The following VGLL1 variants were observed in gnomAD, a reference collection of about 807,000 sequenced individuals.
VGLL1 encodes the protein vestigial like family member 1.
Under a neutral mutation model 12.0 loss-of-function variants are expected in VGLL1, and 4 were observed. That is an observed-to-expected ratio of 0.33 (90% CI 0.16 to 0.76). The LOEUF (loss-of-function observed/expected upper bound fraction) is 0.76, where lower values mean the gene tolerates loss of function less well. Ranked by LOEUF, VGLL1 falls within the 30% of genes least tolerant of loss-of-function variation. The pLI is 0.60. For missense variants in VGLL1, 204 were observed against 208.7 expected, an observed-to-expected ratio of 0.98 and a Z score of 0.14; for synonymous variants, 87 against 81.2, an observed-to-expected ratio of 1.07 and a Z score of -0.39.
chrX:136,545,871 A>G (rs1672060998), intron 2 of VGLL1, among the ~76,000 whole-genome samples: 2 of 111,276 alleles, frequency 1.8e-5, no homozygotes, highest in South Asian at 7.7e-4. Flanking sequence ...TGCCAGTTTC[A>G]CCGAAAAAGG....
chrX:136,549,430 G>A (rs910123630), intron 3 of VGLL1, among the ~76,000 whole-genome samples: 16 of 111,346 alleles, frequency 1.4e-4, no homozygotes, highest in South Asian at 7.6e-4. Context: ...AGTGATGTCA[G>A]GCTCCAGGCA....
At chrX:136,536,555 C>A (rs983535137) in intron 2 of VGLL1, among the ~76,000 whole-genome samples, 2 of 111,191 alleles carry the variant, frequency 1.8e-5, no homozygotes, top group Non-Finnish European at 3.8e-5. Context: ...CCTAATTAAC[C>A]CACATTCATC....
At chrX:136,551,860 C>T (rs749300431) in intron 4 of VGLL1, among the ~76,000 whole-genome samples, 263 of 111,049 alleles carry the variant, frequency 2.4e-3, no homozygotes, top group Non-Finnish European at 4.5e-3. Context: ...GCGGGAGGAA[C>T]ACTTGAGCCC....
intron 4 of VGLL1, 88 bp downstream of exon 4, chrX:136,550,909 A>T: frequency 1.2e-6 from 1 of 837,645 alleles, no homozygotes; most frequent in Non-Finnish European, 1.8e-6. Context: ...TACTGGAGAC[A>T]CTGGTAGTAT....
rs747064588 is a variant in VGLL1 at position 136,544,130 on chromosome X, A to G, written c.215-4459A>G. Among the ~76,000 whole-genome samples, 184 of 111,867 alleles carry G rather than the reference A, an allele frequency of 1.6e-3. No individual in the cohort carries two copies. The Middle Eastern group carries it at 0.023, about 14-fold the overall frequency. On this transcript the variant is annotated intron_variant, in intron 2 of 4. Coordinates refer to ENST00000370634, the MANE Select transcript of VGLL1 (RefSeq NM_016267.4). ...TAAAAAATTCATCAATGTCATATCC[A>G]CTTCTCCATGCCATTAAATGTTCTA...
intron 4 of VGLL1, among the ~76,000 whole-genome samples, chrX:136,555,515 G>A (rs1431858778): frequency 9.0e-6 from 1 of 111,620 alleles, no homozygotes; most frequent in Non-Finnish European, 1.9e-5. Context: ...TCCAATATAG[G>A]AGGATGAAGG....
intron 1 of VGLL1, among the ~76,000 whole-genome samples, chrX:136,532,589 CTTTCTTTCTTT>C (rs2075826128): frequency 2.5e-5 from 1 of 39,426 alleles, no homozygotes; most frequent in Non-Finnish European, 5.0e-5. Context: ...TTCTTTCTTT[CTTTCTTTCTTT>C]CTTTCTTTCT....
intron 4 of VGLL1, 34 bp from the exon 5 acceptor site, chrX:136,556,417 C>CTA: frequency 1.7e-6 from 2 of 1,161,487 alleles, no homozygotes; most frequent in Non-Finnish European, 2.3e-6. Flanking sequence ...AGGGGCCTAA[C>CTA]TGGCTTTCAT....
intron 2 of VGLL1, among the ~76,000 whole-genome samples, chrX:136,544,310 T>C (rs2075864156): frequency 8.9e-6 from 1 of 112,584 alleles, no homozygotes; most frequent in Admixed American, 9.4e-5. Context: ...CATCATTGAC[T>C]ATATCCTTAA....
In VGLL1 at chrX:136,550,771, A is replaced by G; in HGVS notation, c.638A>G (p.Lys213Arg). 8.3e-7 allele frequency: 1 copy of G among 1,207,185 alleles called. No homozygotes were observed. Among genetic ancestry groups the G allele is most frequent in the Non-Finnish European group, 1.1e-6 (1 of 892,574 alleles). ...ATGTTTTCTTCTTCTTTTCTAGATA[A>G]GAAACTATATGTATCTCGTGGATCT... ...FNLPPGSVHY[K>R]KLYVSRGSAS... Residue 213 changes from lysine (K) to arginine (R), a missense_variant, in exon 4 of 5, where the codon AAG (lysine) becomes AGG (arginine). Physicochemically the swap from Lys to Arg is conservative, Grantham distance 26. Transcript: ENST00000370634.
chrX:136,532,661 CTTTT>C (rs202001013), intron 1 of VGLL1, among the ~76,000 whole-genome samples: 7 of 60,697 alleles, frequency 1.2e-4, no homozygotes, highest in Non-Finnish European at 2.2e-4. Flanking sequence ...TTCTTTCTTT[CTTTT>C]TCTTTCTTTC....
rs768578233 is a variant in VGLL1 at position 136,548,930 on chromosome X, G to A, written c.556G>A (p.Ala186Thr). ...CCTAGCCCGTCCTCAGGAATCTGCC[G>A]CCAGGGAGAATGGCAACCCTGGCCA... ...RCLARPQESA[A>T]RENGNPGQIA... The change falls in exon 3 of 5, where the codon GCC becomes ACC. Residue 186 changes from alanine (A) to threonine (T), a missense_variant. Ala to Thr is a moderately conservative substitution (Grantham distance 58). Coordinates refer to ENST00000370634, the MANE Select transcript of VGLL1 (RefSeq NM_016267.4). The A allele has an allele frequency of 1.2e-5, 15 of 1,210,547 alleles. No individual in the cohort carries two copies. Among genetic ancestry groups the A allele is most frequent in the African/African-American group, 3.5e-5 (2 of 57,268 alleles).
At chrX:136,551,459 A>T (rs982331713) in intron 4 of VGLL1, among the ~76,000 whole-genome samples, 1 of 111,683 alleles carries the variant, frequency 9.0e-6, no homozygotes, top group African/African-American at 3.3e-5. Flanking sequence ...GTGGGAACTT[A>T]CAAAAGAGGA....
chrX:136,542,045 A>G (rs1369491079), intron 2 of VGLL1, among the ~76,000 whole-genome samples: 1 of 109,793 alleles, frequency 9.1e-6, no homozygotes, highest in Non-Finnish European at 1.9e-5. Flanking sequence ...CCCCAGCCCC[A>G]GTCCTGAGGC....
At chrX:136,544,654 C>T (rs1464493022) in intron 2 of VGLL1, among the ~76,000 whole-genome samples, 1 of 112,395 alleles carries the variant, frequency 8.9e-6, no homozygotes, top group African/African-American at 3.2e-5. Context: ...AAGTAAAGTG[C>T]CTGGCCCATA....
chrX:136,540,166 T>TA (rs1294392765), intron 2 of VGLL1, among the ~76,000 whole-genome samples: 45 of 111,638 alleles, frequency 4.0e-4, no homozygotes, highest in African/African-American at 1.5e-3. Flanking sequence ...GTCAGAATGG[T>TA]AGCATTAAAA....
At chrX:136,552,707 C>A (rs906367794) in intron 4 of VGLL1, among the ~76,000 whole-genome samples, 2 of 111,942 alleles carry the variant, frequency 1.8e-5, no homozygotes, top group African/African-American at 3.3e-5. Flanking sequence ...AACTGGATCT[C>A]AAAAAGGTGA....
chrX:136,537,719 C>T (rs979217072), intron 2 of VGLL1, among the ~76,000 whole-genome samples: 1 of 109,303 alleles, frequency 9.1e-6, no homozygotes, highest in African/African-American at 3.4e-5. Flanking sequence ...GCCACCACAC[C>T]CAGCTAATTT....
At chrX:136,550,910 C>T in intron 4 of VGLL1, 89 bp downstream of exon 4, 1 of 833,234 alleles carries the variant, frequency 1.2e-6, no homozygotes, top group Non-Finnish European at 1.8e-6. Context: ...ACTGGAGACA[C>T]TGGTAGTATA....
Sources: allele counts gnomAD v4.1 joint callset (sites outside exome capture counted in the v4.1 genomes callset), GRCh38; gene constraint gnomAD v4.1.1; transcripts MANE v1.5; gene names NCBI Gene and HGNC (gene_info 2026-07-23, HGNC 2026-07-21).